The following CDH4 variants were observed in gnomAD, a reference collection of about 807,000 sequenced individuals.
The protein encoded by CDH4 is cadherin 4, also known as cadherin-4.
CDH4 carries 33 observed loss-of-function variants against 86.0 expected under a neutral mutation model. The observed-to-expected ratio is 0.38, with a 90% CI of 0.29 to 0.51. The LOEUF (loss-of-function observed/expected upper bound fraction) is 0.51. CDH4 is among the 20% of genes least tolerant of loss of function. CDH4 has a pLI of 0.86. For synonymous variants in CDH4, 555 were observed against 549.4 expected (o/e 1.01, Z -0.14); for missense variants, 1,114 against 1,307.4 (o/e 0.85, Z 2.28).
rs1011783262 is a variant in CDH4 at position 61,623,830 on chromosome 20, G to A, written c.170-119733G>A. On this transcript the variant is annotated intron_variant, in intron 2 of 15. Transcript: ENST00000614565. This position sits in a 1 kb window ranked among gnomAD's most constrained non-coding sequence, Gnocchi z 4.4. ...CCCAGAATCTGAGCAGGAAGGACAC[G>A]GTTCCTAGAGCGAGGAACACCCCAG... Among the ~76,000 whole-genome samples, 5 of 151,996 alleles carry A rather than the reference G, an allele frequency of 3.3e-5. No homozygotes were observed. Among genetic ancestry groups the A allele is most frequent in the East Asian group, 1.9e-4 (1 of 5,166 alleles).
At chr20:61,610,589 C>T (rs1232685741) in intron 2 of CDH4, among the ~76,000 whole-genome samples, 7 of 152,102 alleles carry the variant, frequency 4.6e-5, no homozygotes, top group Admixed American at 1.3e-4. Flanking sequence ...GTTCTGGAGG[C>T]GGTGGTCCTA....
chr20:61,858,746 C>T (rs1330863981), intron 6 of CDH4, among the ~76,000 whole-genome samples: 3 of 152,166 alleles, frequency 2.0e-5, no homozygotes, highest in Admixed American at 6.5e-5. Flanking sequence ...ATCCATAGCT[C>T]GTTCCTTTCT....
chr20:61,769,722 A>G (rs914068755), intron 3 of CDH4, among the ~76,000 whole-genome samples: 1 of 152,164 alleles, frequency 6.6e-6, no homozygotes, highest in African/African-American at 2.4e-5. Flanking sequence ...TGGGGAGACT[A>G]CCTGGAACAG....
intron 11 of CDH4, among the ~76,000 whole-genome samples, chr20:61,927,311 C>A (rs2055055246): frequency 6.7e-6 from 1 of 149,954 alleles, no homozygotes; most frequent in Non-Finnish European, 1.5e-5. Flanking sequence ...AGCCACCTGG[C>A]CTGCATCCTG....
intron 2 of CDH4, among the ~76,000 whole-genome samples, chr20:61,317,798 T>TC: frequency 6.6e-6 from 1 of 152,270 alleles, no homozygotes; most frequent in East Asian, 1.9e-4. Context: ...AAGCGTTTTT[T>TC]CCGTGTGAAT....
At chr20:61,369,536 C>T (rs1216290173) in intron 2 of CDH4, among the ~76,000 whole-genome samples, 1 of 149,660 alleles carries the variant, frequency 6.7e-6, no homozygotes, top group Non-Finnish European at 1.5e-5. Context: ...TAGAAGATGG[C>T]ATTGCATCTT....
intron 2 of CDH4, among the ~76,000 whole-genome samples, chr20:61,546,561 T>G (rs2086088650): frequency 6.6e-6 from 1 of 151,634 alleles, no homozygotes; most frequent in Non-Finnish European, 1.5e-5. Context: ...CTCAGGCAGT[T>G]TTGTGCCCAG....
At chr20:61,333,344 A>G (rs1197969751) in intron 2 of CDH4, among the ~76,000 whole-genome samples, 1 of 152,152 alleles carries the variant, frequency 6.6e-6, no homozygotes, top group Non-Finnish European at 1.5e-5. Flanking sequence ...GACATTTGGC[A>G]AAATCTGAGT....
At chr20:61,686,078 T>G (rs979808225) in intron 2 of CDH4, among the ~76,000 whole-genome samples, 2 of 152,202 alleles carry the variant, frequency 1.3e-5, no homozygotes, top group African/African-American at 4.8e-5. Flanking sequence ...TTTCTTCCAG[T>G]GAAAATAGAC....
At chr20:61,909,911 T>G (rs1400395107) in intron 8 of CDH4, among the ~76,000 whole-genome samples, 1 of 152,200 alleles carries the variant, frequency 6.6e-6, no homozygotes, top group Non-Finnish European at 1.5e-5. Context: ...GGACTGGGAA[T>G]GAAAAGAAGT....
chr20:61,681,702 G>C lies in CDH4; in HGVS notation c.170-61861G>C, dbSNP rs1239105344. 1.3e-5 allele frequency among the ~76,000 whole-genome samples: 2 copies of C among 152,194 alleles called. No homozygotes were observed. The highest frequency in any genetic ancestry group is 4.8e-5 in the African/African-American group (2 of 41,448). On this transcript the variant is annotated intron_variant, in intron 2 of 15. Transcript: ENST00000614565. This position sits in a 1 kb window ranked among gnomAD's most constrained non-coding sequence, Gnocchi z 4.5. ...CCCTAAAGAGCTTTCTGGGCATCGG[G>C]AAAGTCCGGGCTCAGTGCATGTGGA...
intron 9 of CDH4, among the ~76,000 whole-genome samples, chr20:61,912,685 A>G (rs1435263759): frequency 6.6e-6 from 1 of 152,212 alleles, no homozygotes; most frequent in Non-Finnish European, 1.5e-5. Flanking sequence ...ACCGTAAAAG[A>G]TAGTTCTTAG....
At chr20:61,766,932 ACT>A (rs2088706359) in intron 3 of CDH4, among the ~76,000 whole-genome samples, 1 of 152,036 alleles carries the variant, frequency 6.6e-6, no homozygotes, top group Non-Finnish European at 1.5e-5. Context: ...CCTGATTCTG[ACT>A]CTGCACCAAT....
rs966354389 is a variant in CDH4 at position 61,544,261 on chromosome 20, G to A, written c.170-199302G>A. Among the ~76,000 whole-genome samples the A allele has an allele frequency of 8.5e-5, 13 of 152,228 alleles. No individual in the cohort carries two copies. The highest frequency in any genetic ancestry group is 1.5e-4 in the Non-Finnish European group (10 of 68,006). On this transcript the variant is annotated intron_variant, in intron 2 of 15. Coordinates refer to ENST00000614565, the MANE Select transcript of CDH4 (RefSeq NM_001794.5). The surrounding 1 kb of genome is among the most constrained non-coding windows in gnomAD (Gnocchi z 6.5). ...GTTGTGTATGTATATGGCGGGGTAC[G>A]GCTGACATCGAGCGGGTGGAGGCTG...
chr20:61,299,875 G>A (rs1372858514), intron 2 of CDH4, among the ~76,000 whole-genome samples: 4 of 152,160 alleles, frequency 2.6e-5, no homozygotes, highest in African/African-American at 7.2e-5. Context: ...CATAGAAGCC[G>A]CCAGCACTTC....
At chr20:61,918,843 C>T (rs1462211892) in intron 9 of CDH4, among the ~76,000 whole-genome samples, 1 of 152,156 alleles carries the variant, frequency 6.6e-6, no homozygotes, top group Non-Finnish European at 1.5e-5. Context: ...TCTCAGTTTT[C>T]CTTCCATGCC....
intron 2 of CDH4, among the ~76,000 whole-genome samples, chr20:61,340,136 A>C (rs1440633227): frequency 6.6e-6 from 1 of 152,208 alleles, no homozygotes; most frequent in African/African-American, 2.4e-5. Flanking sequence ...TTCTGATTGA[A>C]GGATATAGTA....
intron 2 of CDH4, among the ~76,000 whole-genome samples, chr20:61,385,345 CCCCTT>C (rs2084945004): frequency 6.6e-6 from 1 of 152,154 alleles, no homozygotes; most frequent in Admixed American, 6.5e-5. Flanking sequence ...CCACAACCAA[CCCCTT>C]CCCTTCCCTT....
chr20:61,890,193 T>TAAC (rs56670161), intron 7 of CDH4, among the ~76,000 whole-genome samples: 1 of 26,264 alleles, frequency 3.8e-5, no homozygotes, highest in East Asian at 7.2e-4. Context: ...GATGGATAGA[T>TAAC]GATGGATGGA....
Sources: allele counts gnomAD v4.1 joint callset (sites outside exome capture counted in the v4.1 genomes callset), GRCh38; gene constraint gnomAD v4.1.1; non-coding constraint Gnocchi (gnomAD v3.1); transcripts MANE v1.5; gene names NCBI Gene and HGNC (gene_info 2026-07-23, HGNC 2026-07-21).